ZNF496: variants seen among roughly 807,000 people sequenced by gnomAD.
ZNF496 encodes the protein zinc finger protein 496.
In ZNF496, 11 loss-of-function variants were observed where a neutral mutation model predicts 58.9. That is an observed-to-expected ratio of 0.19 (90% CI 0.12 to 0.31). The LOEUF (loss-of-function observed/expected upper bound fraction) is 0.31. Ranked by LOEUF, ZNF496 falls within the 10% of genes least tolerant of loss-of-function variation. The probability of loss-of-function intolerance (pLI) is 1.00; values close to 1 mark genes in which losing one functional copy is unlikely to be tolerated. For missense variants in ZNF496, 660 were observed against 783.0 expected, an observed-to-expected ratio of 0.84 and a Z score of 1.88; for synonymous variants, 338 against 318.2, an observed-to-expected ratio of 1.06 and a Z score of -0.66.
intron 4 of ZNF496, 38 bp from the exon 5 acceptor site, chr1:247,328,904 G>A (rs1287497291): frequency 6.4e-7 from 1 of 1,554,168 alleles, no homozygotes. Context: ...GCTAGGGGAA[G>A]AGGTCCCATC....
chr1:247,309,708 A>C lies in ZNF496; in HGVS notation c.883T>G (p.Ser295Ala). The C allele has an allele frequency of 6.2e-7, 1 of 1,614,116 alleles. No homozygotes were observed. Among genetic ancestry groups the C allele is most frequent in the Non-Finnish European group, 8.5e-7 (1 of 1,180,016 alleles). The change falls in exon 8 of 10, where the codon TCC (serine) becomes GCC (alanine). Residue 295 changes from serine to alanine, a missense_variant. Physicochemically the swap from Ser to Ala is moderately conservative, Grantham distance 99 (BLOSUM62 1). Coordinates refer to ENST00000682384, the MANE Select transcript of ZNF496 (RefSeq NM_032752.3). This position sits in a 1 kb window ranked among gnomAD's most constrained non-coding sequence, Gnocchi z 4.3. The part of the protein sequence containing the change: ...DLQGKEVPQV[S>A]YLDSPSLQPF... Reference sequence around the variant, plus strand: ...TGGAATCATTACTCACCCAAGTAGGAGACCTGGGGCACTTCTTTGCCCTGG... The same window carrying C: ...TGGAATCATTACTCACCCAAGTAGGCGACCTGGGGCACTTCTTTGCCCTGG...
chr1:247,308,248 G>A lies in ZNF496; in HGVS notation c.1006+227C>T, dbSNP rs1659478908. Reference sequence around the variant, plus strand: ...GGGGTTCAGTTCCTAACTGTCCCATGCCATCACCACCGCACATTTACATCA... The same window carrying A: ...GGGGTTCAGTTCCTAACTGTCCCATACCATCACCACCGCACATTTACATCA... On this transcript the variant is annotated intron_variant, in intron 9 of 9. Coordinates refer to ENST00000682384, the MANE Select transcript of ZNF496 (RefSeq NM_032752.3). This position sits in a 1 kb window ranked among gnomAD's most constrained non-coding sequence, Gnocchi z 4.5. 6.6e-6 allele frequency among the ~76,000 whole-genome samples: 1 copy of A among 152,088 alleles called. No individual in the cohort carries two copies. Among genetic ancestry groups the A allele is most frequent in the African/African-American group, 2.4e-5 (1 of 41,410 alleles).
intron 5 of ZNF496, 132 bp from the exon 6 acceptor site, chr1:247,323,362 G>T (rs1416945133): frequency 3.2e-6 from 2 of 620,202 alleles, no homozygotes; most frequent in Admixed American, 6.0e-5. Context: ...CACCAACAGG[G>T]AACTGTTTCA....
In ZNF496 at chr1:247,306,618, G is replaced by A. The variant is rs371736921; in HGVS notation, c.1006+1857C>T. On this transcript the variant is annotated intron_variant, in intron 9 of 9. Coordinates refer to ENST00000682384, the MANE Select transcript of ZNF496 (RefSeq NM_032752.3). ...CCAGGTTCAAGCGATTCTCCTGCCT[G>A]AGCCTCCCCAGTAGCTGAGACTACA... is the stretch of plus-strand genomic sequence containing the variant. 2.5e-4 allele frequency among the ~76,000 whole-genome samples: 38 copies of A among 151,280 alleles called. 1 individual carries two copies. The highest frequency in any genetic ancestry group is 1.5e-4 in the African/African-American group (6 of 41,162).
intron 6 of ZNF496, chr1:247,313,766 G>T (rs12048553): frequency 3.9e-5 from 6 of 152,074 alleles, no homozygotes; most frequent in Non-Finnish European, 5.9e-5. Context: ...AGAAGACAGC[G>T]GATTAAGTAA....
chr1:247,300,145 A>G lies in ZNF496; in HGVS notation c.*374T>C. 1 of 173,484 alleles carries G rather than the reference A, an allele frequency of 5.8e-6. No homozygotes were observed. Among genetic ancestry groups the G allele is most frequent in the Non-Finnish European group, 1.2e-5 (1 of 82,130 alleles). 10.7% of individuals were successfully genotyped at this position (173,484 alleles called of 1,614,324 possible). A position where few individuals can be genotyped will look rare whatever the true frequency, so the allele number is the denominator to read the frequency against. ...GTTCAGACAGGGAAGGAGGGGAGGGAGTATACTGAGGTTTGGCTGGTGACC... is the reference window on the plus strand; with the variant it reads ...GTTCAGACAGGGAAGGAGGGGAGGGGGTATACTGAGGTTTGGCTGGTGACC... On this transcript the variant is annotated 3_prime_UTR_variant, in exon 10 of 10. Coordinates refer to ENST00000682384, the MANE Select transcript of ZNF496 (RefSeq NM_032752.3). This position sits in a 1 kb window ranked among gnomAD's most constrained non-coding sequence, Gnocchi z 5.7.
Position 247,300,356 on chromosome 1 carries a change from A to T in ZNF496, c.*163T>A, listed in dbSNP as rs1163946876. ...CTCTTTCATTACCTGGGGGAGGGAG[A>T]GTGCTCCCATGGCACCACCCGAACG... On this transcript the variant is annotated 3_prime_UTR_variant, in exon 10 of 10. Transcript: ENST00000682384. This position sits in a 1 kb window ranked among gnomAD's most constrained non-coding sequence, Gnocchi z 5.7. 1 of 638,686 alleles carries T rather than the reference A, an allele frequency of 1.6e-6. No homozygotes were observed. The highest frequency in any genetic ancestry group is 1.8e-5 in the African/African-American group (1 of 55,204). 39.6% of individuals were successfully genotyped at this position (638,686 alleles called of 1,614,324 possible).
chr1:247,300,903 C>G lies in ZNF496; in HGVS notation c.1380G>C (p.Gln460His). ...LDGHLESHEA[Q>H]KPYRCGACGK... ...CGCAGGCACCACACCGGTAAGGCTT[C>G]TGGGCCTCGTGGCTCTCTAGGTGCC... is the stretch of plus-strand genomic sequence containing the variant. The change falls in exon 10 of 10, where the codon CAG becomes CAC. Residue 460 changes from glutamine to histidine, a missense_variant. Gln to His is a conservative substitution (Grantham distance 24). Coordinates refer to ENST00000682384, the MANE Select transcript of ZNF496 (RefSeq NM_032752.3). The surrounding 1 kb of genome is among the most constrained non-coding windows in gnomAD (Gnocchi z 5.7). The G allele has an allele frequency of 1.2e-6, 2 of 1,612,916 alleles. No homozygotes were observed. The highest frequency in any genetic ancestry group is 1.7e-6 in the Non-Finnish European group (2 of 1,179,326).
In ZNF496 at chr1:247,300,375, CCGAA is replaced by C. The variant is rs1427727476; in HGVS notation, c.*140_*143del. On this transcript the variant is annotated 3_prime_UTR_variant, in exon 10 of 10. Transcript: ENST00000682384. This position sits in a 1 kb window ranked among gnomAD's most constrained non-coding sequence, Gnocchi z 5.7. Reference sequence around the variant, plus strand: ...AGGGAGAGTGCTCCCATGGCACCACCCGAACGCTCACTACCTGAGAGCAAGGACA... The same window carrying C: ...AGGGAGAGTGCTCCCATGGCACCACCCGCTCACTACCTGAGAGCAAGGACA... 1.4e-5 allele frequency: 12 copies of C among 849,378 alleles called. No homozygotes were observed. Among genetic ancestry groups the C allele is most frequent in the Non-Finnish European group, 1.7e-5 (10 of 585,502 alleles). 52.6% of individuals were successfully genotyped at this position (849,378 alleles called of 1,614,324 possible). A position where few individuals can be genotyped will look rare whatever the true frequency, so the allele number is the denominator to read the frequency against.
chr1:247,302,037 C>T (rs1659257140), intron 9 of ZNF496, among the ~76,000 whole-genome samples: 1 of 152,148 alleles, frequency 6.6e-6, no homozygotes, highest in Non-Finnish European at 1.5e-5. Flanking sequence ...AAGGTGGAAC[C>T]ACGGGGCGGG....
At chr1:247,315,438 T>A (rs966471105) in intron 6 of ZNF496, among the ~76,000 whole-genome samples, 1 of 152,134 alleles carries the variant, frequency 6.6e-6, no homozygotes, top group Non-Finnish European at 1.5e-5. Flanking sequence ...GGAGGAAGTG[T>A]TAAGAGATGG....
At chr1:247,313,680 A>G (rs537263714) in intron 6 of ZNF496, 2 of 152,340 alleles carry the variant, frequency 1.3e-5, no homozygotes, top group African/African-American at 4.8e-5. Flanking sequence ...TATGTTGCAC[A>G]TGTGCAACGT....
At chr1:247,315,791 A>G (rs1291626049) in intron 6 of ZNF496, among the ~76,000 whole-genome samples, 1 of 152,246 alleles carries the variant, frequency 6.6e-6, no homozygotes, top group Non-Finnish European at 1.5e-5. Flanking sequence ...AAAATTCTAA[A>G]TTTGAGTCAG....
intron 6 of ZNF496, among the ~76,000 whole-genome samples, chr1:247,316,171 T>TGTGTGTGC (rs1484871717): frequency 7.2e-5 from 10 of 139,136 alleles, no homozygotes; most frequent in South Asian, 2.3e-4. Flanking sequence ...TGTGTGTGTG[T>TGTGTGTGC]GCACGACTTC....
intron 6 of ZNF496, chr1:247,322,768 T>C: frequency 1.5e-6 from 2 of 1,293,836 alleles, no homozygotes; most frequent in South Asian, 2.5e-5. Context: ...TTCTAAAATA[T>C]AACCATTGCT....
At chr1:247,307,591 T>C in intron 9 of ZNF496, 1 of 985,340 alleles carries the variant, frequency 1.0e-6, no homozygotes, top group Middle Eastern at 5.2e-4. Flanking sequence ...TCCATGCTTG[T>C]GGAGCAGGAT....
Position 247,329,666 on chromosome 1 carries a change from A to G in ZNF496, c.-37-51T>C, listed in dbSNP as rs1660253378. 6.8e-7 allele frequency: 1 copy of G among 1,475,080 alleles called. No homozygotes were observed. The highest frequency in any genetic ancestry group is 9.0e-7 in the Non-Finnish European group (1 of 1,106,520). 91.4% of individuals were successfully genotyped at this position (1,475,080 alleles called of 1,614,324 possible). ...TTCAGTGTTCTGGTCTCCTGTGGTC[A>G]TTTCTGGGGGACAGTGACAAGGAAA... is the stretch of plus-strand genomic sequence containing the variant. On this transcript the variant is annotated intron_variant, in intron 3 of 9. Transcript: ENST00000682384. This position sits in a 1 kb window ranked among gnomAD's most constrained non-coding sequence, Gnocchi z 5.5.
Position 247,301,038 on chromosome 1 carries a change from G to A in ZNF496, c.1245C>T (p.Phe415=), listed in dbSNP as rs1176270609. 1.2e-6 allele frequency: 2 copies of A among 1,613,626 alleles called. No homozygotes were observed. Among genetic ancestry groups the A allele is most frequent in the African/African-American group, 2.7e-5 (2 of 74,942 alleles). The change falls in exon 10 of 10, where the codon TTC becomes TTT. Residue 415 remains phenylalanine, a synonymous_variant. Transcript: ENST00000682384. Reference sequence around the variant, plus strand: ...GCCGGATGAAGTTGACCCTCCAGCGGAAGATTTTCCCACAGTTCGGACACA... The same window carrying A: ...GCCGGATGAAGTTGACCCTCCAGCGAAAGATTTTCCCACAGTTCGGACACA... The part of the protein sequence containing the change: ...SYVCPNCGKI[F]RWRVNFIRHL...
chr1:247,328,539 C>G (rs1393964136), intron 5 of ZNF496, 144 bp downstream of exon 5: 1 of 825,498 alleles, frequency 1.2e-6, no homozygotes, highest in African/African-American at 1.8e-5. Flanking sequence ...GGACTCAGAC[C>G]CTGACAACAG....
Sources: gnomAD v4.1 joint callset for allele counts (sites outside exome capture counted in the v4.1 genomes callset) on GRCh38, gnomAD v4.1.1 for gene constraint, Gnocchi (gnomAD v3.1) non-coding constraint, MANE v1.5 for transcripts, NCBI Gene and HGNC (gene_info 2026-07-23, HGNC 2026-07-21) for gene names.